Variants in MVK observed in about 807,000 individuals in gnomAD.
MVK encodes LH receptor mRNA-binding protein.
Under a neutral mutation model 43.2 loss-of-function variants are expected in MVK, and 34 were observed. That is an observed-to-expected ratio of 0.79 (90% CI 0.60 to 1.05). The LOEUF (loss-of-function observed/expected upper bound fraction) is 1.05. Ranked by LOEUF, MVK falls within the 50% of genes least tolerant of loss-of-function variation. The probability of loss-of-function intolerance (pLI) is 0.00; values close to 1 mark genes in which losing one functional copy is unlikely to be tolerated. For synonymous variants in MVK, 190 were observed against 219.8 expected, an observed-to-expected ratio of 0.86 and a Z score of 1.20; for missense variants, 395 against 504.0, an observed-to-expected ratio of 0.78 and a Z score of 2.07.
chr12:109,583,250 C>T (rs1406087259), intron 5 of MVK, among the ~76,000 whole-genome samples: 1 of 151,938 alleles, frequency 6.6e-6, no homozygotes, highest in Non-Finnish European at 1.5e-5. Flanking sequence ...CCTCCCCTCT[C>T]CCCCCATCCC....
chr12:109,577,552 T>C (rs1486481337), intron 3 of MVK, among the ~76,000 whole-genome samples: 2 of 152,266 alleles, frequency 1.3e-5, no homozygotes, highest in Admixed American at 1.3e-4. Context: ...TCAAGCAGTT[T>C]TCCACTTTCC....
chr12:109,594,292 A>G (rs757215125), intron 9 of MVK, among the ~76,000 whole-genome samples: 3 of 152,162 alleles, frequency 2.0e-5, no homozygotes, highest in African/African-American at 4.8e-5. Flanking sequence ...TTTCATCCAC[A>G]TGCATCTTGT....
upstream of MVK, chr12:109,573,742 G>T (rs752617720): frequency 5.6e-6 from 3 of 538,364 alleles, no homozygotes; most frequent in African/African-American, 1.9e-5. Context: ...GGGCTCGCGC[G>T]CTCTGATTGG....
At chr12:109,594,588 T>C (rs748815306) in intron 9 of MVK, among the ~76,000 whole-genome samples, 5 of 152,210 alleles carry the variant, frequency 3.3e-5, no homozygotes, top group Non-Finnish European at 7.3e-5. Flanking sequence ...AAACAATGTG[T>C]CGGGAATCTG....
At chr12:109,590,471 A>AC in intron 7 of MVK, 1 of 455,714 alleles carries the variant, frequency 2.2e-6, no homozygotes, top group Non-Finnish European at 4.1e-6. Context: ...CTTCTCCCCT[A>AC]TCCCCTCTCT....
intron 4 of MVK, among the ~76,000 whole-genome samples, chr12:109,580,966 G>A (rs1885189964): frequency 6.6e-6 from 1 of 152,120 alleles, no homozygotes; most frequent in Non-Finnish European, 1.5e-5. Context: ...TACGGAAAGT[G>A]TCACAGTGGA....
rs202239411 is a variant in MVK at position 109,580,651 on chromosome 12, G to A, written c.371+705G>A. 7.2e-5 allele frequency among the ~76,000 whole-genome samples: 11 copies of A among 152,198 alleles called. No homozygotes were observed. The East Asian group carries it at 1.3e-3, about 19-fold the overall frequency. ...CTTCCAGGCTGGGTGGGGTGGGTAC[G>A]TGGAATTTGAAGACGCACATTATTA... is the stretch of plus-strand genomic sequence containing the variant. On this transcript the variant is annotated intron_variant, in intron 4 of 10. Transcript: ENST00000228510.
intron 5 of MVK, among the ~76,000 whole-genome samples, chr12:109,585,752 T>G (rs1885405781): frequency 6.7e-6 from 1 of 148,256 alleles, no homozygotes; most frequent in African/African-American, 2.5e-5. Context: ...AGAGTGAGAC[T>G]CCGTCTCAAA....
chr12:109,592,965 A>C, intron 9 of MVK, among the ~76,000 whole-genome samples: 1 of 152,250 alleles, frequency 6.6e-6, no homozygotes, highest in Non-Finnish European at 1.5e-5. Flanking sequence ...AGAATGCCAC[A>C]GAACAGCACG....
chr12:109,573,402 G>T (rs150895111), upstream of MVK: 7 of 1,611,132 alleles, frequency 4.3e-6, no homozygotes, highest in Non-Finnish European at 5.9e-6. Flanking sequence ...GGATACAGGA[G>T]CCTGGCGGCG....
chr12:109,588,931 T>C (rs1052713411), intron 7 of MVK: 4 of 152,326 alleles, frequency 2.6e-5, no homozygotes, highest in African/African-American at 9.7e-5. Flanking sequence ...GGATGGGGGT[T>C]CGGGGGCTGC....
rs758317084 is a variant in MVK at position 109,591,315 on chromosome 12, G to T, written c.843G>T (p.Glu281Asp). 1.4e-5 allele frequency: 23 copies of T among 1,614,236 alleles called. No individual in the cohort carries two copies. Among genetic ancestry groups the T allele is most frequent in the Non-Finnish European group, 1.8e-5 (21 of 1,180,054 alleles). ...TGGAGTGTGAGCGCGTGCTGGGAGA[G>T]ATGGGGGAAGCCCCAGCCCCGGAGC... ...ISLECERVLGEMGEAPAPEQY... is the reference protein window; with the variant it reads ...ISLECERVLGDMGEAPAPEQY... Residue 281 changes from glutamate to aspartate, a missense_variant, in exon 9 of 11, where the codon GAG becomes GAT. By Grantham distance (45) the Glu-to-Asp change is conservative. Transcript: ENST00000228510.
intron 7 of MVK, 154 bp downstream of exon 7, chr12:109,586,953 C>G (rs1885461262): frequency 1.2e-6 from 1 of 858,240 alleles, no homozygotes; most frequent in Admixed American, 2.1e-5. Context: ...TGCAAGGAAG[C>G]AGGGGTGGTG....
At chr12:109,579,021 A>G in intron 3 of MVK, 1 of 287,766 alleles carries the variant, frequency 3.5e-6, no homozygotes, top group South Asian at 2.8e-5. Flanking sequence ...GGTTAACTTA[A>G]CACTCTTTTG....
chr12:109,585,327 A>C lies in MVK; in HGVS notation c.528-695A>C, dbSNP rs182411839. On this transcript the variant is annotated intron_variant, in intron 5 of 10. Transcript: ENST00000228510. ...GGTTCAGGTGTGGACGCTTATGCAG[A>C]GGTCTGTTATAGTGGCAGTTGCCAC... Among the ~76,000 whole-genome samples, 146 of 152,324 alleles carry C rather than the reference A, an allele frequency of 9.6e-4. 1 individual carries two copies. Among genetic ancestry groups the C allele is most frequent in the African/African-American group, 3.4e-3 (140 of 41,566 alleles).
At chr12:109,575,276 C>G (rs534117563) in intron 2 of MVK, among the ~76,000 whole-genome samples, 2 of 152,154 alleles carry the variant, frequency 1.3e-5, no homozygotes, top group South Asian at 4.1e-4. Flanking sequence ...ACAGCTACCC[C>G]CAAGGCATAC....
chr12:109,587,662 G>A (rs538138140), intron 7 of MVK, among the ~76,000 whole-genome samples: 12 of 152,286 alleles, frequency 7.9e-5, no homozygotes, highest in African/African-American at 2.6e-4. Flanking sequence ...ATGGATGAGT[G>A]GCAGGTCCTG....
Position 109,595,176 on chromosome 12 carries a change from A to C in MVK, c.1034A>C (p.Lys345Thr), listed in dbSNP as rs770252175. Residue 345 changes from lysine to threonine, a missense_variant, in exon 10 of 11, where the codon AAG becomes ACG. Lys to Thr is a moderately conservative substitution (Grantham distance 78). Coordinates refer to ENST00000228510, the MANE Select transcript of MVK (RefSeq NM_000431.4). This position sits in a 1 kb window ranked among gnomAD's most constrained non-coding sequence, Gnocchi z 5.9. ...GGGGCGITLLKPGLEQPEVEA... is the reference protein window; with the variant it reads ...GGGGCGITLLTPGLEQPEVEA... ...GGTGGCTGTGGCATCACACTCCTCA[A>C]GCCAGGTATCCCGGGGGTAGGTGGG... 1.2e-6 allele frequency: 2 copies of C among 1,614,000 alleles called. No homozygotes were observed. The highest frequency in any genetic ancestry group is 1.7e-6 in the Non-Finnish European group (2 of 1,180,002).
upstream of MVK, chr12:109,573,425 C>CA (rs1884740901): frequency 6.2e-7 from 1 of 1,608,014 alleles, no homozygotes; most frequent in East Asian, 2.2e-5. Context: ...GAAGCACCCG[C>CA]GCAGGCCAAG....
Sources: gnomAD v4.1 joint callset for allele counts (sites outside exome capture counted in the v4.1 genomes callset) on GRCh38, gnomAD v4.1.1 for gene constraint, Gnocchi (gnomAD v3.1) non-coding constraint, MANE v1.5 for transcripts, NCBI Gene and HGNC (gene_info 2026-07-23, HGNC 2026-07-21) for gene names.